The following SIK3 variants were observed in gnomAD, a reference collection of about 807,000 sequenced individuals.
The protein encoded by SIK3 is serine/threonine-protein kinase SIK3.
A neutral mutation model predicts 144.2 loss-of-function variants in SIK3; 28 were observed. That is an observed-to-expected ratio of 0.19 (90% CI 0.14 to 0.27). The LOEUF is 0.27. SIK3 is among the 10% of genes least tolerant of loss of function. SIK3 has a pLI of 1.00. For missense variants in SIK3, 1,319 were observed against 1,776.0 expected, an observed-to-expected ratio of 0.74 and a Z score of 4.62; for synonymous variants, 686 against 676.3, an observed-to-expected ratio of 1.01 and a Z score of -0.22.
chr11:116,858,599 G>T lies in SIK3; in HGVS notation c.2866C>A (p.Pro956Thr). 1.2e-6 allele frequency: 2 copies of T among 1,613,122 alleles called. No individual in the cohort carries two copies. The highest frequency in any genetic ancestry group is 1.7e-6 in the Non-Finnish European group (2 of 1,179,592). Residue 956 changes from proline to threonine, a missense_variant, in exon 21 of 25, where the codon CCT becomes ACT. Pro to Thr is a conservative substitution (Grantham distance 38). Around this residue, in one of 8 missense-constraint regions of SIK3, gnomAD observed 646 missense variants for 763.7 expected, o/e 0.85. Transcript: ENST00000445177. The surrounding 1 kb of genome is among the most constrained non-coding windows in gnomAD (Gnocchi z 5.4). ...QSRGSPSSYS[P>T]STGVGFSPTQ... ...GGAGAGAACCCCACTCCTGTTGAAG[G>T]GCTGTAGCTGCTGGGGGAACCCCGG...
chr11:117,013,245 C>T (rs1951344289), intron 1 of SIK3, among the ~76,000 whole-genome samples: 1 of 152,166 alleles, frequency 6.6e-6, no homozygotes, highest in Non-Finnish European at 1.5e-5. Context: ...AATCCCACCA[C>T]TTTGGGAGGC....
Position 116,992,331 on chromosome 11 carries a change from A to AC in SIK3, c.274-35268_274-35267insG, listed in dbSNP as rs1270921733. Among the ~76,000 whole-genome samples, 320 of 145,342 alleles carry AC rather than the reference A, an allele frequency of 2.2e-3. 3 individuals are homozygous for AC. Among genetic ancestry groups the AC allele is most frequent in the Middle Eastern group, 6.9e-3 (2 of 290 alleles). On this transcript the variant is annotated intron_variant, in intron 1 of 24. Coordinates refer to ENST00000445177, the MANE Select transcript of SIK3 (RefSeq NM_001366686.3). ...CAGAGCAAGACCCCCCCCCCCAAAA[A>AC]AAAACACCTCATATATTTGTGTGCA...
chr11:116,900,407 TATTTCA>T (rs1945670542), intron 4 of SIK3, among the ~76,000 whole-genome samples: 1 of 152,208 alleles, frequency 6.6e-6, no homozygotes, highest in Admixed American at 6.5e-5. Context: ...GCTTACTTCC[TATTTCA>T]TTTTCCCCTA....
At position 116,859,498 on chromosome 11, in the gene SIK3, C is replaced by T. The variant is rs148587047; in HGVS notation, c.2532G>A (p.Leu844=). Residue 844 remains leucine, a synonymous_variant, in exon 20 of 25, where the codon TTG becomes TTA. Coordinates refer to ENST00000445177, the MANE Select transcript of SIK3 (RefSeq NM_001366686.3). ...SSPPNVALTC[L]GMQQPAQSQQ... is the part of the protein sequence containing the mutation. ...GTGACTGAGCAGGCTGCTGCATACCCAAGCAGGTTAGTGCCACGTTGGGAG... is the reference window on the plus strand; with the variant it reads ...GTGACTGAGCAGGCTGCTGCATACCTAAGCAGGTTAGTGCCACGTTGGGAG... 1.8e-5 allele frequency: 29 copies of T among 1,614,194 alleles called. No homozygotes were observed. In the African/African-American group the frequency reaches 3.7e-4, roughly 21 times the overall value.
intron 1 of SIK3, among the ~76,000 whole-genome samples, chr11:116,965,510 A>C (rs1949495639): frequency 6.6e-6 from 1 of 151,624 alleles, no homozygotes; most frequent in East Asian, 1.9e-4. Flanking sequence ...AAATTGCAGA[A>C]GTTTAAGAGG....
chr11:117,023,621 A>AATATATATATATATATATATATATATAT (rs1555131639), intron 1 of SIK3, among the ~76,000 whole-genome samples: 6 of 95,406 alleles, frequency 6.3e-5, no homozygotes, highest in Non-Finnish European at 8.4e-5. Flanking sequence ...AAAAAAAAAA[A>AATATATATATATATATATATATATATAT]ATATATATAT....
At chr11:116,958,048 A>G (rs558893637) in intron 1 of SIK3, among the ~76,000 whole-genome samples, 3 of 152,322 alleles carry the variant, frequency 2.0e-5, no homozygotes, top group African/African-American at 2.4e-5. Flanking sequence ...AAATATGTCT[A>G]TATCTCAGTT....
intron 4 of SIK3, among the ~76,000 whole-genome samples, chr11:116,900,851 CATATAT>C (rs1555087562): frequency 6.6e-6 from 1 of 150,994 alleles, no homozygotes; most frequent in Non-Finnish European, 1.5e-5. Context: ...TATACATATA[CATATAT>C]ATTATTTATT....
intron 2 of SIK3, among the ~76,000 whole-genome samples, chr11:116,956,172 G>A (rs1296507199): frequency 1.3e-5 from 2 of 152,054 alleles, no homozygotes; most frequent in East Asian, 1.9e-4. Flanking sequence ...GAAGCATCCC[G>A]AAGCCCCACC....
chr11:116,875,439 C>A lies in SIK3; in HGVS notation c.1252G>T (p.Gly418Cys). ...APVNIQAEQA[G>C]TAMNISVPQV... Reference sequence around the variant, plus strand: ...GGAACGCTGATGTTCATAGCAGTACCTGCCTGCTCCGCCTGGAAAGCAGTA... The same window carrying A: ...GGAACGCTGATGTTCATAGCAGTACATGCCTGCTCCGCCTGGAAAGCAGTA... Residue 418 changes from glycine to cysteine, a missense_variant, in exon 10 of 25, where the codon GGT becomes TGT. Physicochemically the swap from Gly to Cys is radical, Grantham distance 159. This residue lies in a region of SIK3 where 109 missense variants were observed against 109.3 expected (regional missense o/e 1.00). Coordinates refer to ENST00000445177, the MANE Select transcript of SIK3 (RefSeq NM_001366686.3). 6.2e-7 allele frequency: 1 copy of A among 1,614,162 alleles called. No individual in the cohort carries two copies. The highest frequency in any genetic ancestry group is 1.3e-5 in the African/African-American group (1 of 75,046).
intron 1 of SIK3, among the ~76,000 whole-genome samples, chr11:116,982,930 C>G (rs1362460168): frequency 1.9e-5 from 2 of 105,186 alleles, no homozygotes; most frequent in South Asian, 3.0e-4. Context: ...GGTGACGGTA[C>G]GAGACTCCGT....
chr11:117,090,581 G>C (rs1320173192), intron 1 of SIK3, among the ~76,000 whole-genome samples: 1 of 152,168 alleles, frequency 6.6e-6, no homozygotes, highest in East Asian at 1.9e-4. Context: ...GACCAGCCCA[G>C]CAGAACAAAT....
chr11:116,910,376 T>C (rs73590488), intron 4 of SIK3, among the ~76,000 whole-genome samples: 1,889 of 152,232 alleles, frequency 0.012, 50 homozygotes, highest in African/African-American at 0.043. Flanking sequence ...GTTGACATAG[T>C]TTTAGTAATC....
chr11:116,889,270 G>T (rs1013406702), intron 6 of SIK3, among the ~76,000 whole-genome samples: 1 of 152,176 alleles, frequency 6.6e-6, no homozygotes, highest in African/African-American at 2.4e-5. Flanking sequence ...TTAAGTAAAA[G>T]AAAATAATTT....
intron 1 of SIK3, among the ~76,000 whole-genome samples, chr11:117,003,890 T>C (rs1434331603): frequency 2.6e-5 from 4 of 152,202 alleles, no homozygotes; most frequent in Non-Finnish European, 4.4e-5. Flanking sequence ...CTGAACATTA[T>C]ACTTTAACGA....
intron 1 of SIK3, among the ~76,000 whole-genome samples, chr11:117,046,547 T>C (rs2135885384): frequency 6.6e-6 from 1 of 152,300 alleles, no homozygotes; most frequent in South Asian, 2.1e-4. Flanking sequence ...AACTGACACC[T>C]AAAAACACTA....
intron 1 of SIK3, among the ~76,000 whole-genome samples, chr11:117,013,000 C>T (rs7110042): frequency 0.07 from 10,608 of 151,766 alleles, 653 homozygotes; most frequent in African/African-American, 0.16. Context: ...TACAAGCGCC[C>T]GCCATTTGCC....
At chr11:117,090,253 T>C (rs1392604035) in intron 1 of SIK3, among the ~76,000 whole-genome samples, 1 of 152,120 alleles carries the variant, frequency 6.6e-6, no homozygotes, top group African/African-American at 2.4e-5. Flanking sequence ...ACCAAGCTAC[T>C]CGCTATTAGG....
chr11:116,973,602 G>C (rs775478357), intron 1 of SIK3, among the ~76,000 whole-genome samples: 9 of 152,128 alleles, frequency 5.9e-5, no homozygotes, highest in Middle Eastern at 3.4e-3. Context: ...CATTATGAAA[G>C]GGGGGGAAAG....
Sources: gnomAD v4.1 joint callset for allele counts (sites outside exome capture counted in the v4.1 genomes callset) on GRCh38, gnomAD v4.1.1 for gene constraint, gnomAD v4.1.1 regional missense constraint, Gnocchi (gnomAD v3.1) non-coding constraint, MANE v1.5 for transcripts, NCBI Gene and HGNC (gene_info 2026-07-23, HGNC 2026-07-21) for gene names.